The following PRELID2 variants were observed in gnomAD, a reference collection of about 807,000 sequenced individuals.
PRELID2 encodes the protein PRELI domain-containing protein 2.
PRELID2 carries 25 observed loss-of-function variants against 28.4 expected under a neutral mutation model. The observed-to-expected ratio is 0.88, with a 90% CI of 0.64 to 1.23. PRELID2 has a LOEUF of 1.23. Among genes scored for constraint, PRELID2 ranks in the 50% most tolerant of loss-of-function variants. PRELID2 has a pLI of 0.00. For synonymous variants in PRELID2, 76 were observed against 71.6 expected (o/e 1.06, Z -0.31); for missense variants, 201 against 214.4 (o/e 0.94, Z 0.39).
At chr5:145,806,275 A>T (rs75539033) in intron 4 of PRELID2, among the ~76,000 whole-genome samples, 2,753 of 152,204 alleles carry the variant, frequency 0.018, 69 homozygotes, top group African/African-American at 0.058. Flanking sequence ...TTGTCTTTTA[A>T]ATTCTTATTC....
chr5:145,419,565 T>G, the PRELID2 span, among the ~76,000 whole-genome samples: 197 of 141,438 alleles, frequency 1.4e-3, no homozygotes, highest in East Asian at 9.8e-3. Flanking sequence ...TCGCCCACTT[T>G]TTGATGGGGT....
chr5:145,722,563 A>C (rs976549799), intron 1 of PRELID2, among the ~76,000 whole-genome samples: 1 of 152,128 alleles, frequency 6.6e-6, no homozygotes, highest in African/African-American at 2.4e-5. Flanking sequence ...CAGTGGCACA[A>C]TCTTGGCTCA....
chr5:145,479,921 C>G (rs1345855224), intron 1 of PRELID2, among the ~76,000 whole-genome samples: 5 of 152,156 alleles, frequency 3.3e-5, no homozygotes, highest in African/African-American at 9.7e-5. Context: ...TGTTTCATAG[C>G]TAATGGATAT....
At chr5:145,331,956 G>A in the PRELID2 span, among the ~76,000 whole-genome samples, 1 of 152,242 alleles carries the variant, frequency 6.6e-6, no homozygotes, top group East Asian at 1.9e-4. Context: ...CTATTATAAG[G>A]CAGGCCTGGT....
At chr5:145,331,370 TC>T in the PRELID2 span, among the ~76,000 whole-genome samples, 1 of 152,178 alleles carries the variant, frequency 6.6e-6, no homozygotes, top group Non-Finnish European at 1.5e-5. Context: ...GACAGTGGGA[TC>T]TTAAAGTCTC....
At chr5:145,726,710 C>T (rs1302095528) in intron 1 of PRELID2, among the ~76,000 whole-genome samples, 4 of 152,104 alleles carry the variant, frequency 2.6e-5, no homozygotes, top group Non-Finnish European at 4.4e-5. Context: ...ATATAAATTG[C>T]CTTGCATCAG....
At chr5:145,342,135 C>T in the PRELID2 span, among the ~76,000 whole-genome samples, 4 of 152,070 alleles carry the variant, frequency 2.6e-5, no homozygotes, top group South Asian at 2.1e-4. Flanking sequence ...AAACTACCAG[C>T]GAAGAATACT....
chr5:145,311,782 G>C, the PRELID2 span, among the ~76,000 whole-genome samples: 6 of 152,210 alleles, frequency 3.9e-5, no homozygotes, highest in Non-Finnish European at 2.9e-5. Context: ...GATGTGCCAT[G>C]CCTGCCCTCT....
intron 1 of PRELID2, among the ~76,000 whole-genome samples, chr5:145,479,501 T>C (rs1752136928): frequency 6.6e-6 from 1 of 152,172 alleles, no homozygotes; most frequent in Non-Finnish European, 1.5e-5. Flanking sequence ...GCTCACAGCT[T>C]CCTGTCATCA....
chr5:145,330,863 G>T, the PRELID2 span, among the ~76,000 whole-genome samples: 2 of 152,074 alleles, frequency 1.3e-5, no homozygotes, highest in East Asian at 1.9e-4. Context: ...TAATTGTGAG[G>T]TTAGGATGTT....
At chr5:145,446,891 A>T in the PRELID2 span, among the ~76,000 whole-genome samples, 2 of 151,870 alleles carry the variant, frequency 1.3e-5, no homozygotes, top group East Asian at 3.9e-4. Context: ...TACTAGAAAT[A>T]CAAAATTAGC....
chr5:145,744,910 G>A (rs921448704), intron 1 of PRELID2, among the ~76,000 whole-genome samples: 2 of 152,016 alleles, frequency 1.3e-5, no homozygotes, highest in Non-Finnish European at 2.9e-5. Context: ...AGAAAAAACT[G>A]TGCTGAGCTC....
rs1293880955 is a variant in PRELID2 at position 145,741,632 on chromosome 5, T to TATATATAA, written n.70+23298_70+23299insTTATATAT. ...TTTATTTATATATAAATAATTTATT[T>TATATATAA]ATAATTTATTTATATATAAATAATT... On this transcript the variant is annotated intron_variant and non_coding_transcript_variant, in intron 1 of 2. Coordinates refer to the PRELID2 transcript ENST00000510259. 2.4e-4 allele frequency among the ~76,000 whole-genome samples: 4 copies of TATATATAA among 16,982 alleles called. 2 individuals are homozygous for TATATATAA. The highest frequency in any genetic ancestry group is 6.5e-4 in the African/African-American group (4 of 6,108). The allele number at this position is 16,982 out of a possible 152,430, so 11.1% of individuals were successfully genotyped here.
At chr5:145,782,068 T>C (rs1187236923) in intron 5 of PRELID2, among the ~76,000 whole-genome samples, 1 of 152,130 alleles carries the variant, frequency 6.6e-6, no homozygotes, top group Non-Finnish European at 1.5e-5. Flanking sequence ...GAGGAACTAG[T>C]GGGTGTGAGA....
intron 1 of PRELID2, among the ~76,000 whole-genome samples, chr5:145,679,810 A>T (rs1754898230): frequency 6.8e-6 from 1 of 147,912 alleles, no homozygotes; most frequent in African/African-American, 2.5e-5. Flanking sequence ...AGTTAGAATA[A>T]ATATATATAT....
chr5:145,629,538 C>G (rs73313715), intron 1 of PRELID2, among the ~76,000 whole-genome samples: 5,443 of 152,170 alleles, frequency 0.036, 298 homozygotes, highest in African/African-American at 0.12. Context: ...ATTTAGAAAC[C>G]AACTATGTGA....
chr5:145,444,839 T>C, the PRELID2 span, among the ~76,000 whole-genome samples: 1 of 151,986 alleles, frequency 6.6e-6, no homozygotes, highest in Admixed American at 6.6e-5. Flanking sequence ...ACAAAGTTCA[T>C]CTAAAGAGAT....
the PRELID2 span, among the ~76,000 whole-genome samples, chr5:145,444,587 C>T: frequency 6.6e-6 from 1 of 151,966 alleles, no homozygotes; most frequent in African/African-American, 2.4e-5. Flanking sequence ...TTAGAAGACT[C>T]GTGAACCTGC....
the PRELID2 span, among the ~76,000 whole-genome samples, chr5:145,359,932 A>G: frequency 3.2e-4 from 48 of 152,310 alleles, no homozygotes; most frequent in Non-Finnish European, 6.0e-4. Context: ...TCAATTTTGT[A>G]CAGACATATT....
Sources: gnomAD v4.1 joint callset for allele counts (sites outside exome capture counted in the v4.1 genomes callset) on GRCh38, gnomAD v4.1.1 for gene constraint, MANE v1.5 for transcripts, NCBI Gene and HGNC (gene_info 2026-07-23, HGNC 2026-07-21) for gene names.